Variants in LARP4B observed in about 807,000 individuals in gnomAD.
The protein encoded by LARP4B is la-related protein 4B.
In LARP4B, 12 loss-of-function variants were observed where a neutral mutation model predicts 89.8. The ratio of observed to expected loss-of-function variants is 0.13; its 90% CI spans 0.09 to 0.22. The LOEUF (loss-of-function observed/expected upper bound fraction) is 0.22. LARP4B is among the 10% of genes least tolerant of loss of function. LARP4B has a pLI of 1.00. For synonymous variants in LARP4B, 367 were observed against 363.3 expected (o/e 1.01, Z -0.12); for missense variants, 757 against 947.7 (o/e 0.80, Z 2.64).
At chr10:910,022 A>T (rs778889935) in intron 1 of LARP4B, among the ~76,000 whole-genome samples, 1 of 152,154 alleles carries the variant, frequency 6.6e-6, no homozygotes, top group African/African-American at 2.4e-5. Flanking sequence ...GAGAGCCGTG[A>T]GTGTGGGACT....
chr10:819,883 G>A (rs1323312370), intron 14 of LARP4B: 1 of 152,262 alleles, frequency 6.6e-6, no homozygotes, highest in African/African-American at 2.4e-5. Flanking sequence ...ACCAGGATTT[G>A]TCCAGGTCTC....
intron 3 of LARP4B, among the ~76,000 whole-genome samples, chr10:867,002 T>G (rs1834933885): frequency 6.6e-6 from 1 of 152,212 alleles, no homozygotes; most frequent in Admixed American, 6.5e-5. Context: ...TCAAGATATA[T>G]GAGGAATGAA....
chr10:814,803 C>G lies in LARP4B; in HGVS notation c.1868G>C (p.Arg623Thr), dbSNP rs551452040. The change falls in exon 17 of 18, where the codon AGA becomes ACA. Residue 623 changes from arginine (R) to threonine (T), a missense_variant. Around this residue, in one of 5 missense-constraint regions of LARP4B, gnomAD observed 387 missense variants for 423.6 expected, o/e 0.91. Coordinates refer to ENST00000316157, the MANE Select transcript of LARP4B (RefSeq NM_015155.3). The surrounding 1 kb of genome is among the most constrained non-coding windows in gnomAD (Gnocchi z 4.4). ...GGTCGCAGTGAGGGCGGAAGGAAGT[C>G]TGTCCACACTGTGGGTTTCCCTCTG... ...EKQRETHSVDRLPSALTATAC... is the reference protein window; with the variant it reads ...EKQRETHSVDTLPSALTATAC... 2 of 1,602,690 alleles carry G rather than the reference C, an allele frequency of 1.2e-6. No individual in the cohort carries two copies. The highest frequency in any genetic ancestry group is 1.3e-5 in the African/African-American group (1 of 74,814).
At chr10:954,261 T>C in the LARP4B span, among the ~76,000 whole-genome samples, 1 of 152,080 alleles carries the variant, frequency 6.6e-6, no homozygotes, top group Non-Finnish European at 1.5e-5. The surrounding 1 kb of genome is among the most constrained non-coding windows in gnomAD (Gnocchi z 5.0). Context: ...GCCCGTCTTT[T>C]ATGGTGGCCT....
intron 8 of LARP4B, among the ~76,000 whole-genome samples, 191 bp from the exon 9 acceptor site, chr10:831,168 T>C (rs753325616): frequency 1.6e-4 from 24 of 151,714 alleles, no homozygotes; most frequent in Non-Finnish European, 3.2e-4. Context: ...CACAATGCCA[T>C]AGAGAAAAGC....
intron 3 of LARP4B, among the ~76,000 whole-genome samples, chr10:883,491 CAA>C (rs1277069257): frequency 1.3e-5 from 2 of 151,166 alleles, no homozygotes; most frequent in East Asian, 1.9e-4. Context: ...GCCTGGGCAA[CAA>C]GAGGGAAACT....
intron 1 of LARP4B, among the ~76,000 whole-genome samples, chr10:898,211 G>A (rs1836244365): frequency 6.6e-6 from 1 of 152,166 alleles, no homozygotes; most frequent in Non-Finnish European, 1.5e-5. Context: ...CCACTTGGAT[G>A]ACTATTATCA....
intron 5 of LARP4B, among the ~76,000 whole-genome samples, chr10:847,608 C>T (rs1425436977): frequency 6.6e-6 from 1 of 151,914 alleles, no homozygotes; most frequent in Non-Finnish European, 1.5e-5. Context: ...CTCACTGCAA[C>T]CTCCACCTCC....
chr10:961,324 G>T, the LARP4B span, among the ~76,000 whole-genome samples: 1 of 152,358 alleles, frequency 6.6e-6, no homozygotes, highest in East Asian at 1.9e-4. Context: ...GGTTCTGCGG[G>T]CTGTACAAGA....
chr10:948,652 C>G, the LARP4B span, among the ~76,000 whole-genome samples: 1 of 152,248 alleles, frequency 6.6e-6, no homozygotes, highest in Non-Finnish European at 1.5e-5. Flanking sequence ...TTTAAAGCCA[C>G]AGAACTTCCC....
chr10:858,287 C>T (rs967726741), intron 5 of LARP4B, among the ~76,000 whole-genome samples: 2 of 152,066 alleles, frequency 1.3e-5, no homozygotes, highest in East Asian at 1.9e-4. Context: ...GTGCCACGAT[C>T]GTTCTATAGA....
rs548214426 is a variant in LARP4B, at chr10:916,281, G to C, written c.-40+15147C>G. Among the ~76,000 whole-genome samples the C allele has an allele frequency of 3.9e-5, 6 of 152,136 alleles. No homozygotes were observed. The East Asian group carries it at 7.7e-4, about 20-fold the overall frequency. On this transcript the variant is annotated intron_variant, in intron 1 of 17. Transcript: ENST00000316157. ...TAACTGTAGCTACTCTAAGTCTTTT[G>C]GCATCCACAGACAATTATTGTTCTA...
the LARP4B span, among the ~76,000 whole-genome samples, chr10:951,116 G>T: frequency 2.6e-5 from 4 of 152,026 alleles, no homozygotes; most frequent in Non-Finnish European, 5.9e-5. Context: ...GAATACAGTG[G>T]TGATAACAGG....
chr10:827,269 C>G (rs1458541823), intron 11 of LARP4B, among the ~76,000 whole-genome samples: 2 of 110,572 alleles, frequency 1.8e-5, no homozygotes, highest in African/African-American at 3.5e-5. Context: ...GAGAGAGACT[C>G]TGTCTCAAAG....
the LARP4B span, among the ~76,000 whole-genome samples, chr10:954,646 G>T: frequency 1.3e-5 from 2 of 152,172 alleles, no homozygotes; most frequent in Non-Finnish European, 2.9e-5. The surrounding 1 kb of genome is among the most constrained non-coding windows in gnomAD (Gnocchi z 5.0). Flanking sequence ...GTGGGTCTGG[G>T]GGTGCGGCCG....
intron 3 of LARP4B, among the ~76,000 whole-genome samples, chr10:870,800 A>C (rs940826069): frequency 1.2e-4 from 19 of 152,166 alleles, no homozygotes; most frequent in Admixed American, 1.1e-3. Flanking sequence ...TTCAGAGGAA[A>C]TTCCCTTCCA....
intron 1 of LARP4B, among the ~76,000 whole-genome samples, chr10:906,493 G>A (rs1403403538): frequency 6.6e-6 from 1 of 152,232 alleles, no homozygotes; most frequent in African/African-American, 2.4e-5. Context: ...CCAGTGTGGT[G>A]CAACCCACAG....
chr10:809,969 G>A lies in LARP4B; in HGVS notation c.*2957C>T, dbSNP rs1040584341. ...CGGTGATGTGATGACAGGAGGGCCT[G>A]GGTGAAAATGTCAAGACACTCACTC... On this transcript the variant is annotated 3_prime_UTR_variant, in exon 18 of 18. Coordinates refer to ENST00000316157, the MANE Select transcript of LARP4B (RefSeq NM_015155.3). 1 of 152,310 alleles carries A rather than the reference G, an allele frequency of 6.6e-6. No homozygotes were observed. Among genetic ancestry groups the A allele is most frequent in the African/African-American group, 2.4e-5 (1 of 41,468 alleles). The allele number at this position is 152,310 out of a possible 1,614,324, so 9.4% of individuals were successfully genotyped here. A position where few individuals can be genotyped will look rare whatever the true frequency, so the allele number is the denominator to read the frequency against.
the LARP4B span, chr10:987,134 G>A: frequency 6.6e-6 from 1 of 152,172 alleles, no homozygotes; most frequent in African/African-American, 2.4e-5. Context: ...TGCTAATCTC[G>A]GAAATGGTGG....
Sources: allele counts gnomAD v4.1 joint callset (sites outside exome capture counted in the v4.1 genomes callset), GRCh38; gene constraint gnomAD v4.1.1; regional missense constraint gnomAD v4.1.1; non-coding constraint Gnocchi (gnomAD v3.1); transcripts MANE v1.5; gene names NCBI Gene and HGNC (gene_info 2026-07-23, HGNC 2026-07-21).